MCF2L2: variants seen among roughly 807,000 people sequenced by gnomAD.
MCF2L2 encodes MCF.2 cell line derived transforming sequence-like 2.
MCF2L2 carries 102 observed loss-of-function variants against 150.2 expected under a neutral mutation model. The observed-to-expected ratio is 0.68, with a 90% CI of 0.58 to 0.80. MCF2L2 has a LOEUF of 0.80. Among genes scored for constraint, MCF2L2 ranks in the 30% least tolerant of loss-of-function variants. The probability of loss-of-function intolerance (pLI) is 0.00; values close to 1 mark genes in which losing one functional copy is unlikely to be tolerated. For missense variants in MCF2L2, 1,256 were observed against 1,372.8 expected, an observed-to-expected ratio of 0.91 and a Z score of 1.34; for synonymous variants, 465 against 491.3, an observed-to-expected ratio of 0.95 and a Z score of 0.71.
At chr3:183,318,767 C>T (rs958921800) in intron 6 of MCF2L2, among the ~76,000 whole-genome samples, 1 of 151,948 alleles carries the variant, frequency 6.6e-6, no homozygotes, top group African/African-American at 2.4e-5. Flanking sequence ...GTTATGTTTA[C>T]AGTATACTGT....
chr3:183,404,187 C>T (rs1423290858), intron 1 of MCF2L2, among the ~76,000 whole-genome samples: 1 of 152,104 alleles, frequency 6.6e-6, no homozygotes, highest in African/African-American at 2.4e-5. Context: ...ATTAATAAAA[C>T]AGCTAATAAA....
intron 3 of MCF2L2, among the ~76,000 whole-genome samples, chr3:183,345,349 G>A (rs1416264932): frequency 2.0e-5 from 3 of 152,000 alleles, no homozygotes; most frequent in Non-Finnish European, 2.9e-5. Flanking sequence ...AAGGCAGAAA[G>A]AAATAAGTTC....
At chr3:183,252,586 G>A (rs1576962984) in intron 15 of MCF2L2, among the ~76,000 whole-genome samples, 1 of 152,156 alleles carries the variant, frequency 6.6e-6, no homozygotes, top group East Asian at 1.9e-4. Flanking sequence ...CTGGGATCAA[G>A]CAATCCTCCT....
intron 14 of MCF2L2, among the ~76,000 whole-genome samples, chr3:183,279,516 C>G (rs768921991): frequency 8.5e-5 from 13 of 152,192 alleles, no homozygotes; most frequent in Non-Finnish European, 1.2e-4. Flanking sequence ...GACACTGCAT[C>G]CTTTTTCCCT....
intron 9 of MCF2L2, 77 bp downstream of exon 9, chr3:183,310,838 C>A (rs1037890544): frequency 1.1e-6 from 1 of 948,888 alleles, no homozygotes; most frequent in Non-Finnish European, 1.6e-6. Context: ...AAACCCCATA[C>A]CAAAGAGTGA....
chr3:183,325,100 T>C (rs1314187614), intron 5 of MCF2L2, among the ~76,000 whole-genome samples: 4 of 114,224 alleles, frequency 3.5e-5, no homozygotes, highest in Non-Finnish European at 5.0e-5. Flanking sequence ...GGGAACATCA[T>C]ACTCCGGGGA....
rs562699379 is a variant in MCF2L2, at chr3:183,216,363, A to T, written c.2371-269T>A. Among the ~76,000 whole-genome samples, 13 of 148,020 alleles carry T rather than the reference A, an allele frequency of 8.8e-5. No individual in the cohort carries two copies. In the East Asian group the frequency reaches 2.2e-3, roughly 25 times the overall value. Reference sequence around the variant, plus strand: ...AAATCATGGAAATTATATTCCTGCTACATAAGAAACATATAGAATTCAGCT... The same window carrying T: ...AAATCATGGAAATTATATTCCTGCTTCATAAGAAACATATAGAATTCAGCT... On this transcript the variant is annotated intron_variant, in intron 21 of 29. Transcript: ENST00000328913.
chr3:183,191,816 G>A (rs1721902069), intron 27 of MCF2L2, among the ~76,000 whole-genome samples: 2 of 151,934 alleles, frequency 1.3e-5, no homozygotes, highest in South Asian at 2.1e-4. Flanking sequence ...GTGCTTTGGG[G>A]CCATTGTTTG....
At chr3:183,218,742 C>T (rs1342039381) in intron 21 of MCF2L2, among the ~76,000 whole-genome samples, 1 of 152,200 alleles carries the variant, frequency 6.6e-6, no homozygotes, top group Non-Finnish European at 1.5e-5. Context: ...CTCACCTCTT[C>T]CCATCCCCCT....
chr3:183,238,995 CAAAA>C (rs60736939), intron 15 of MCF2L2, among the ~76,000 whole-genome samples: 27 of 88,900 alleles, frequency 3.0e-4, no homozygotes, highest in African/African-American at 9.5e-4. Flanking sequence ...ATATCCGTCT[CAAAA>C]AAAAAAAAAA....
chr3:183,247,182 C>T lies in MCF2L2; in HGVS notation c.1863-16165G>A, dbSNP rs182145483. ...ACTAAGTGACTTGGCTGAGGTCAAACTGCCTGCAAGTTTTATCTAATAGTG... is the reference window on the plus strand; with the variant it reads ...ACTAAGTGACTTGGCTGAGGTCAAATTGCCTGCAAGTTTTATCTAATAGTG... On this transcript the variant is annotated intron_variant, in intron 15 of 29. Transcript: ENST00000328913. Among the ~76,000 whole-genome samples the T allele has an allele frequency of 5.3e-5, 8 of 152,280 alleles. No homozygotes were observed. The East Asian group carries it at 1.5e-3, about 29-fold the overall frequency.
chr3:183,358,484 C>T (rs75588187), intron 3 of MCF2L2, among the ~76,000 whole-genome samples: 4,093 of 152,108 alleles, frequency 0.027, 138 homozygotes, highest in South Asian at 0.085. Context: ...GATCATGTAT[C>T]GAAAGAGTAG....
chr3:183,353,709 C>T (rs1465897883), intron 3 of MCF2L2, among the ~76,000 whole-genome samples: 1 of 152,104 alleles, frequency 6.6e-6, no homozygotes, highest in African/African-American at 2.4e-5. Context: ...ATTCATCTCC[C>T]ACCAGGCCCC....
At chr3:183,417,552 T>G (rs959875088) in intron 1 of MCF2L2, among the ~76,000 whole-genome samples, 3 of 152,218 alleles carry the variant, frequency 2.0e-5, no homozygotes, top group Admixed American at 6.5e-5. Context: ...TCCATATGGA[T>G]TTGAATTACC....
chr3:183,293,844 G>T (rs1054343757), intron 13 of MCF2L2, among the ~76,000 whole-genome samples: 2 of 151,898 alleles, frequency 1.3e-5, no homozygotes, highest in Non-Finnish European at 2.9e-5. Flanking sequence ...AATTATATAT[G>T]GTAAATTCCA....
intron 15 of MCF2L2, among the ~76,000 whole-genome samples, chr3:183,243,668 GTA>G (rs1413522782): frequency 6.6e-6 from 1 of 152,180 alleles, no homozygotes; most frequent in Non-Finnish European, 1.5e-5. Context: ...AAGGTATTAT[GTA>G]TAGAGTCATT....
rs757885513 is a variant in MCF2L2 at position 183,206,174 on chromosome 3, T to C, written c.2753A>G (p.His918Arg). 8.1e-6 allele frequency: 13 copies of C among 1,614,190 alleles called. No homozygotes were observed. Among genetic ancestry groups the C allele is most frequent in the South Asian group, 2.2e-5 (2 of 91,084 alleles). ...TCGACTGGCAATCTCAAACTTTCTA[T>C]GGCTCCCCCTTCCAAGCTGGCGAAT... Reference protein sequence around the residue: ...LSIRQLGRGSHRKFEIASRNG... With the variant: ...LSIRQLGRGSRRKFEIASRNG... The change falls in exon 24 of 30, where the codon CAT (histidine) becomes CGT (arginine). Residue 918 changes from histidine to arginine, a missense_variant. Physicochemically the swap from His to Arg is conservative, Grantham distance 29 (BLOSUM62 0). Transcript: ENST00000328913.
chr3:183,295,053 G>A (rs1026819586), intron 13 of MCF2L2, among the ~76,000 whole-genome samples: 3 of 152,178 alleles, frequency 2.0e-5, no homozygotes, highest in African/African-American at 2.4e-5. Flanking sequence ...GTGAGCTACC[G>A]CACCCGGCCT....
At chr3:183,234,687 C>CTTTTTTTTT (rs71185647) in intron 15 of MCF2L2, among the ~76,000 whole-genome samples, 30 of 84,220 alleles carry the variant, frequency 3.6e-4, no homozygotes, top group African/African-American at 7.3e-4. Flanking sequence ...ATGTATGACT[C>CTTTTTTTTT]TTTTTTTTTT....
Sources: gnomAD v4.1 joint callset for allele counts (sites outside exome capture counted in the v4.1 genomes callset) on GRCh38, gnomAD v4.1.1 for gene constraint, MANE v1.5 for transcripts, NCBI Gene and HGNC (gene_info 2026-07-23, HGNC 2026-07-21) for gene names.